Variants in RAB3IL1 observed in about 807,000 individuals in gnomAD.
RAB3IL1 encodes guanine nucleotide exchange factor for Rab-3A.
In RAB3IL1, 37 loss-of-function variants were observed where a neutral mutation model predicts 49.2. The ratio of observed to expected loss-of-function variants is 0.75; its 90% CI spans 0.58 to 0.99. The LOEUF is 0.99. RAB3IL1 is among the 50% of genes least tolerant of loss of function. The pLI is 0.00. For synonymous variants in RAB3IL1, 193 were observed against 213.9 expected (o/e 0.90, Z 0.85); for missense variants, 484 against 513.0 (o/e 0.94, Z 0.55).
chr11:61,942,134 C>A, the RAB3IL1 span, among the ~76,000 whole-genome samples: 45 of 152,250 alleles, frequency 3.0e-4, no homozygotes, highest in South Asian at 1.7e-3. Flanking sequence ...TCGCTTGAAA[C>A]CAGAAGATGG....
chr11:61,917,202 C>G (rs1298255041), intron 1 of RAB3IL1, among the ~76,000 whole-genome samples, 155 bp downstream of exon 1: 1 of 152,066 alleles, frequency 6.6e-6, no homozygotes. Context: ...CCCGGAGTCT[C>G]CTGGCTGCAA....
chr11:61,903,602 C>T lies in RAB3IL1; in HGVS notation c.899+944G>A, dbSNP rs111461059. Among the ~76,000 whole-genome samples the T allele has an allele frequency of 7.0e-3, 1,064 of 152,030 alleles. 6 individuals are homozygous for T. Among genetic ancestry groups the T allele is most frequent in the Non-Finnish European group, 9.8e-3 (667 of 67,972 alleles). The stretch of plus-strand genomic sequence containing the variant: ...GCAGTGGTGCAATCTCAGCTCACCA[C>T]AACCTCCGTCTCCCAGGCTCAAGCA... On this transcript the variant is annotated intron_variant, in intron 7 of 9. Transcript: ENST00000394836.
chr11:61,917,588 C>G, upstream of RAB3IL1: 5 of 1,068,228 alleles, frequency 4.7e-6, no homozygotes, highest in Middle Eastern at 4.2e-4. Flanking sequence ...GGGAGCGGCC[C>G]GAGGACACGT....
chr11:61,899,247 A>T, intron 9 of RAB3IL1, 67 bp downstream of exon 9: 3 of 1,513,748 alleles, frequency 2.0e-6, no homozygotes, highest in Non-Finnish European at 2.7e-6. Context: ...GTGGGCCCAG[A>T]GGGCACTTCC....
chr11:61,898,420 G>A lies in RAB3IL1; in HGVS notation c.1067-60C>T. On this transcript the variant is annotated intron_variant, in intron 9 of 9. Transcript: ENST00000394836. The surrounding 1 kb of genome is among the most constrained non-coding windows in gnomAD (Gnocchi z 5.1). ...AGCTCAGGGTCACCTCGGGCAGATG[G>A]CCAGGTCCCCTCCTGTGGCTTTGGA... 6.9e-7 allele frequency: 1 copy of A among 1,441,852 alleles called. No homozygotes were observed. The highest frequency in any genetic ancestry group is 2.3e-5 in the East Asian group (1 of 44,062). 89.3% of individuals were successfully genotyped at this position (1,441,852 alleles called of 1,614,324 possible). A position where few individuals can be genotyped will look rare whatever the true frequency, so the allele number is the denominator to read the frequency against.
In RAB3IL1 at chr11:61,898,937, G is replaced by C. The variant is rs1047916006; in HGVS notation, c.1066+377C>G. 2 of 488,304 alleles carry C rather than the reference G, an allele frequency of 4.1e-6. No homozygotes were observed. Among genetic ancestry groups the C allele is most frequent in the Admixed American group, 2.3e-5 (1 of 43,466 alleles). The allele number at this position is 488,304 out of a possible 1,614,324, so 30.2% of individuals were successfully genotyped here. ...GCCAGGCCTTGCAGAATGGGCTGTG[G>C]GGGGAGGGGGTGGAGGGAGGCCCTG... On this transcript the variant is annotated intron_variant, in intron 9 of 9. Coordinates refer to ENST00000394836, the MANE Select transcript of RAB3IL1 (RefSeq NM_013401.4). The surrounding 1 kb of genome is among the most constrained non-coding windows in gnomAD (Gnocchi z 5.1).
At chr11:61,934,317 T>TACACACACACACAC in the RAB3IL1 span, among the ~76,000 whole-genome samples, 177 of 33,202 alleles carry the variant, frequency 5.3e-3, 2 homozygotes, top group African/African-American at 0.019. Flanking sequence ...CCTGAGTAAA[T>TACACACACACACAC]ATACACACAC....
At chr11:61,918,705 G>A (rs1371551210), upstream of RAB3IL1, among the ~76,000 whole-genome samples, 1 of 152,196 alleles carries the variant, frequency 6.6e-6, no homozygotes, top group Admixed American at 6.5e-5. Context: ...CTCTTTCCCC[G>A]CTGGGCACAG....
chr11:61,917,464 C>A lies in RAB3IL1; in HGVS notation c.-97G>T, dbSNP rs904049092. On this transcript the variant is annotated 5_prime_UTR_variant, in exon 1 of 10. Coordinates refer to ENST00000394836, the MANE Select transcript of RAB3IL1 (RefSeq NM_013401.4). Reference sequence around the variant, plus strand: ...GCCGCCGACTCCGCCAGGGGCCGAGCCGCCCCACCGCCTGTCAGCCCTGCC... The same window carrying A: ...GCCGCCGACTCCGCCAGGGGCCGAGACGCCCCACCGCCTGTCAGCCCTGCC... 3.4e-6 allele frequency: 4 copies of A among 1,160,016 alleles called. No homozygotes were observed. Among genetic ancestry groups the A allele is most frequent in the Non-Finnish European group, 3.2e-6 (3 of 943,234 alleles). 71.9% of individuals were successfully genotyped at this position (1,160,016 alleles called of 1,614,324 possible).
At chr11:61,915,415 T>C (rs1939634744) in intron 1 of RAB3IL1, among the ~76,000 whole-genome samples, 1 of 152,044 alleles carries the variant, frequency 6.6e-6, no homozygotes, top group South Asian at 2.1e-4. Flanking sequence ...CCTGGGTGCC[T>C]CCAGGGAAGG....
At chr11:61,899,422 G>T in intron 8 of RAB3IL1, 42 bp from the exon 9 acceptor site, 1 of 1,579,528 alleles carries the variant, frequency 6.3e-7, no homozygotes, top group Non-Finnish European at 8.6e-7. Context: ...CCAGCCCCAC[G>T]CTGGGGGTCC....
chr11:61,942,186 A>C, the RAB3IL1 span, among the ~76,000 whole-genome samples: 1 of 152,154 alleles, frequency 6.6e-6, no homozygotes, highest in African/African-American at 2.4e-5. Context: ...ACTCCAGCCT[A>C]GGCAACAAGA....
chr11:61,899,729 AG>A, intron 8 of RAB3IL1: 39 of 258,812 alleles, frequency 1.5e-4, no homozygotes, highest in South Asian at 5.3e-4. Context: ...CAGAGCTGTG[AG>A]ATGAACCGGG....
Position 61,906,585 on chromosome 11 carries a change from G to A in RAB3IL1, c.538C>T (p.Pro180Ser). 3 of 1,608,506 alleles carry A rather than the reference G, an allele frequency of 1.9e-6. No individual in the cohort carries two copies. The highest frequency in any genetic ancestry group is 2.7e-5 in the African/African-American group (2 of 74,932). ...NRELHPQLLS[P>S]TKAGPRKGHS... ...CCCTTTCGGGGCCCGGCCTTGGTGG[G>A]GCTCAGCAGCTGGGGGTGAAGCTCG... is the stretch of plus-strand genomic sequence containing the variant. Residue 180 changes from proline (P) to serine (S), a missense_variant, in exon 5 of 10, where the codon CCC becomes TCC. Physicochemically the swap from Pro to Ser is moderately conservative, Grantham distance 74. Coordinates refer to ENST00000394836, the MANE Select transcript of RAB3IL1 (RefSeq NM_013401.4). The surrounding 1 kb of genome is among the most constrained non-coding windows in gnomAD (Gnocchi z 4.6).
At chr11:61,922,208 CA>C (rs1407437854), upstream of RAB3IL1, among the ~76,000 whole-genome samples, 169 of 116,674 alleles carry the variant, frequency 1.4e-3, no homozygotes, top group African/African-American at 1.6e-3. Context: ...GACTCCGTCT[CA>C]AAAAAAAAAA....
intron 1 of RAB3IL1, among the ~76,000 whole-genome samples, chr11:61,917,097 C>T (rs1939727593): frequency 6.6e-6 from 1 of 152,166 alleles, no homozygotes; most frequent in Non-Finnish European, 1.5e-5. Context: ...CACTTGCGCT[C>T]CTGATGAGCT....
At chr11:61,916,668 A>C (rs369719554) in intron 1 of RAB3IL1, among the ~76,000 whole-genome samples, 28 of 152,292 alleles carry the variant, frequency 1.8e-4, no homozygotes, top group African/African-American at 6.7e-4. Flanking sequence ...TGTTTGCCCA[A>C]CTCCACAAAA....
chr11:61,923,803 C>A (rs1039005172), upstream of RAB3IL1, among the ~76,000 whole-genome samples: 1 of 152,190 alleles, frequency 6.6e-6, no homozygotes, highest in African/African-American at 2.4e-5. Flanking sequence ...CAGCCAAAGT[C>A]CTCCCTGGAT....
At chr11:61,913,325 G>A (rs1160170045) in intron 1 of RAB3IL1, among the ~76,000 whole-genome samples, 3 of 152,170 alleles carry the variant, frequency 2.0e-5, no homozygotes, top group Non-Finnish European at 4.4e-5. Context: ...GGGACAAAGG[G>A]ACAGGTGGGA....
Sources: gnomAD v4.1 joint callset for allele counts (sites outside exome capture counted in the v4.1 genomes callset) on GRCh38, gnomAD v4.1.1 for gene constraint, Gnocchi (gnomAD v3.1) non-coding constraint, MANE v1.5 for transcripts, NCBI Gene and HGNC (gene_info 2026-07-23, HGNC 2026-07-21) for gene names.